TRAPPC9: variants seen among roughly 807,000 people sequenced by gnomAD.
TRAPPC9 encodes trafficking protein particle complex subunit 9, also known as IKK2 binding protein.
TRAPPC9 carries 83 observed loss-of-function variants against 124.0 expected under a neutral mutation model. That is an observed-to-expected ratio of 0.67 (90% CI 0.56 to 0.80). TRAPPC9 has a LOEUF of 0.80. TRAPPC9 is among the 30% of genes least tolerant of loss of function. TRAPPC9 has a pLI of 0.00. For synonymous variants in TRAPPC9, 638 were observed against 617.5 expected, an observed-to-expected ratio of 1.03 and a Z score of -0.49; for missense variants, 1,302 against 1,508.3, an observed-to-expected ratio of 0.86 and a Z score of 2.27.
chr8:139,855,256 T>G (rs576986168), intron 21 of TRAPPC9, among the ~76,000 whole-genome samples: 2 of 152,190 alleles, frequency 1.3e-5, no homozygotes, highest in South Asian at 4.2e-4. Context: ...AGCTAAATAT[T>G]TGTTTTCCTC....
intron 21 of TRAPPC9, among the ~76,000 whole-genome samples, chr8:139,820,007 C>CAAAAAAAAAA: frequency 1.9e-5 from 1 of 51,810 alleles, no homozygotes. Context: ...GACTCTGTCT[C>CAAAAAAAAAA]AAAAAAAAAA....
At chr8:140,408,546 G>A (rs2069580551) in intron 5 of TRAPPC9, among the ~76,000 whole-genome samples, 1 of 152,180 alleles carries the variant, frequency 6.6e-6, no homozygotes, top group Non-Finnish European at 1.5e-5. Flanking sequence ...CCAAGAACCA[G>A]TGTGGCAATA....
rs1255542877 is a variant in TRAPPC9, at chr8:139,788,829, T to TG, written c.3056-56628dup. Among the ~76,000 whole-genome samples, 1 of 152,128 alleles carries TG rather than the reference T, an allele frequency of 6.6e-6. No homozygotes were observed. Among genetic ancestry groups the TG allele is most frequent in the Non-Finnish European group, 1.5e-5 (1 of 68,020 alleles). On this transcript the variant is annotated intron_variant, in intron 21 of 22. Transcript: ENST00000438773. This position sits in a 1 kb window ranked among gnomAD's most constrained non-coding sequence, Gnocchi z 4.9. ...CCAGCTGCCTTCACAAGAGGTGTGG[T>TG]GGGGGGCTTTCAGAAACAAAACAAG...
intron 15 of TRAPPC9, among the ~76,000 whole-genome samples, chr8:140,263,265 G>A (rs1216129865): frequency 6.6e-6 from 1 of 152,114 alleles, no homozygotes; most frequent in Admixed American, 6.6e-5. Flanking sequence ...CTGCTATCAC[G>A]GGACACCTTG....
chr8:140,355,585 A>C (rs1254973157), intron 9 of TRAPPC9, among the ~76,000 whole-genome samples: 1 of 152,226 alleles, frequency 6.6e-6, no homozygotes, highest in Non-Finnish European at 1.5e-5. Context: ...AAAAAAAAGA[A>C]ACTATCCTCA....
intron 17 of TRAPPC9, among the ~76,000 whole-genome samples, chr8:140,151,922 G>A (rs1341195564): frequency 6.6e-6 from 1 of 151,976 alleles, no homozygotes; most frequent in African/African-American, 2.4e-5. Context: ...CCTCAGCCTC[G>A]ACACACCCCA....
At chr8:140,038,834 T>A (rs1018491198) in intron 17 of TRAPPC9, among the ~76,000 whole-genome samples, 1 of 152,188 alleles carries the variant, frequency 6.6e-6, no homozygotes, top group East Asian at 1.9e-4. Flanking sequence ...TCAGAGGCCC[T>A]CCTCGGAGCC....
At chr8:140,192,196 A>C (rs910297648) in intron 17 of TRAPPC9, among the ~76,000 whole-genome samples, 4 of 152,252 alleles carry the variant, frequency 2.6e-5, no homozygotes, top group African/African-American at 9.6e-5. Flanking sequence ...ATCCAGATCC[A>C]GACAATGAAG....
At chr8:140,455,651 G>C (rs1485295194) in intron 1 of TRAPPC9, among the ~76,000 whole-genome samples, 1 of 148,944 alleles carries the variant, frequency 6.7e-6, no homozygotes, top group Non-Finnish European at 1.5e-5. Context: ...GGATGGTCTC[G>C]ATCTCTTGAC....
chr8:140,371,686 A>G (rs1363535240), intron 7 of TRAPPC9, among the ~76,000 whole-genome samples: 1 of 152,154 alleles, frequency 6.6e-6, no homozygotes, highest in African/African-American at 2.4e-5. Flanking sequence ...CCTGTAGTGT[A>G]GCAATCATAA....
At chr8:139,893,445 A>G (rs536174999) in intron 20 of TRAPPC9, among the ~76,000 whole-genome samples, 8 of 152,344 alleles carry the variant, frequency 5.3e-5, no homozygotes, top group African/African-American at 7.2e-5. Context: ...GGTCTGCACA[A>G]TGCTCTTTCG....
At chr8:139,820,223 C>T (rs1180481418) in intron 21 of TRAPPC9, among the ~76,000 whole-genome samples, 1 of 151,914 alleles carries the variant, frequency 6.6e-6, no homozygotes, top group East Asian at 1.9e-4. Context: ...CTTTGCCACC[C>T]AGGCTGGAGT....
At chr8:140,033,688 T>TTTTTTTTTTTTTTTTTTTG (rs1563707043) in intron 17 of TRAPPC9, among the ~76,000 whole-genome samples, 1 of 115,080 alleles carries the variant, frequency 8.7e-6, no homozygotes, top group Non-Finnish European at 1.7e-5. Context: ...TTTTTTTTTT[T>TTTTTTTTTTTTTTTTTTTG]TTTTTTTTTT....
chr8:139,816,861 GC>G (rs1454706115), intron 21 of TRAPPC9, among the ~76,000 whole-genome samples: 2 of 151,820 alleles, frequency 1.3e-5, no homozygotes, highest in East Asian at 1.9e-4. Context: ...CAAACTCACG[GC>G]CCGCCCTCAC....
chr8:139,734,032 C>T (rs1037521326), intron 21 of TRAPPC9, among the ~76,000 whole-genome samples: 4 of 152,218 alleles, frequency 2.6e-5, no homozygotes, highest in African/African-American at 4.8e-5. Context: ...GCCACTCTTT[C>T]GACCCCTGAA....
chr8:140,308,656 G>C (rs916145078), intron 10 of TRAPPC9, among the ~76,000 whole-genome samples: 2 of 152,166 alleles, frequency 1.3e-5, no homozygotes, highest in Non-Finnish European at 2.9e-5. Flanking sequence ...GCTGAGGCGG[G>C]CGGATCACGA....
At chr8:140,109,215 C>A (rs1361825751) in intron 17 of TRAPPC9, among the ~76,000 whole-genome samples, 1 of 152,156 alleles carries the variant, frequency 6.6e-6, no homozygotes, top group East Asian at 1.9e-4. Context: ...GGCCCCCCTA[C>A]CTGCTGAGCA....
chr8:139,920,504 G>A (rs1457872677), intron 19 of TRAPPC9, among the ~76,000 whole-genome samples: 1 of 152,208 alleles, frequency 6.6e-6, no homozygotes, highest in Admixed American at 6.5e-5. Context: ...GTAAAGAAAG[G>A]AGCCGCTGCC....
At chr8:140,161,951 C>T (rs2061758718) in intron 17 of TRAPPC9, among the ~76,000 whole-genome samples, 1 of 152,138 alleles carries the variant, frequency 6.6e-6, no homozygotes, top group Non-Finnish European at 1.5e-5. Flanking sequence ...CCTCCCGCAG[C>T]CAAGCCCGAG....
Sources: allele counts gnomAD v4.1 joint callset (sites outside exome capture counted in the v4.1 genomes callset), GRCh38; gene constraint gnomAD v4.1.1; non-coding constraint Gnocchi (gnomAD v3.1); transcripts MANE v1.5; gene names NCBI Gene and HGNC (gene_info 2026-07-23, HGNC 2026-07-21).